The following ZNF521 variants were observed in gnomAD, a reference collection of about 807,000 sequenced individuals.
ZNF521 encodes zinc finger protein 521.
Under a neutral mutation model 105.5 loss-of-function variants are expected in ZNF521, and 14 were observed. That is an observed-to-expected ratio of 0.13 (90% confidence interval 0.09 to 0.21). The LOEUF is 0.21. ZNF521 is among the 10% of genes least tolerant of loss of function. The pLI, the probability that ZNF521 is intolerant of heterozygous loss-of-function variation, is 1.00. For synonymous variants in ZNF521, 635 were observed against 606.0 expected (o/e 1.05, Z -0.70); for missense variants, 1,233 against 1,629.7 (o/e 0.76, Z 4.19).
At chr18:25,229,848 T>C (rs994777446) in intron 3 of ZNF521, among the ~76,000 whole-genome samples, 1 of 152,232 alleles carries the variant, frequency 6.6e-6, no homozygotes, top group Non-Finnish European at 1.5e-5. Context: ...TAGAAGGATG[T>C]AACTATTGAG....
At chr18:25,292,969 C>T (rs1357365592) in intron 3 of ZNF521, among the ~76,000 whole-genome samples, 1 of 152,158 alleles carries the variant, frequency 6.6e-6, no homozygotes, top group Non-Finnish European at 1.5e-5. Context: ...CCAGAGATCC[C>T]CAAAGCACAG....
At chr18:25,198,313 G>A (rs1341871874) in intron 4 of ZNF521, among the ~76,000 whole-genome samples, 1 of 151,398 alleles carries the variant, frequency 6.6e-6, no homozygotes, top group African/African-American at 2.4e-5. Context: ...CTTGTTTTCA[G>A]TTACACTCTG....
intron 3 of ZNF521, among the ~76,000 whole-genome samples, chr18:25,305,307 A>G (rs566137276): frequency 6.6e-6 from 1 of 152,320 alleles, no homozygotes; most frequent in Middle Eastern, 3.4e-3. Context: ...GCTAATTTAT[A>G]AAACGAGAAA....
chr18:25,194,919 C>A (rs2035877751), intron 5 of ZNF521, among the ~76,000 whole-genome samples: 2 of 151,456 alleles, frequency 1.3e-5, no homozygotes, highest in South Asian at 4.2e-4. Context: ...ATTTGTTAAT[C>A]ACCTGTGTTT....
rs367611177 is a variant in ZNF521, at chr18:25,087,510, GTC to G, written c.3906+1953_3906+1954del. ...TTTCAAGAACACTAGGTAGGAATCA[GTC>G]TCTAAAGAAACTCTACAGCTTTGAT... is the stretch of plus-strand genomic sequence containing the variant. On this transcript the variant is annotated intron_variant, in intron 7 of 7. Transcript: ENST00000361524. Among the ~76,000 whole-genome samples the G allele has an allele frequency of 3.5e-4, 53 of 152,284 alleles. 1 individual carries two copies. The East Asian group carries it at 9.5e-3, about 27-fold the overall frequency.
chr18:25,166,049 C>A (rs1048290502), intron 5 of ZNF521, among the ~76,000 whole-genome samples: 16 of 152,152 alleles, frequency 1.1e-4, no homozygotes, highest in Non-Finnish European at 2.4e-4. Flanking sequence ...GTCAAAAAGT[C>A]TTAAAGGTAG....
chr18:25,322,558 C>T (rs1368878241), intron 2 of ZNF521, among the ~76,000 whole-genome samples: 2 of 144,802 alleles, frequency 1.4e-5, no homozygotes, highest in Admixed American at 1.4e-4. Flanking sequence ...AAAAAACCCC[C>T]CCACTGTGCT....
chr18:25,127,797 A>G (rs1054735352), intron 5 of ZNF521, among the ~76,000 whole-genome samples: 2 of 152,036 alleles, frequency 1.3e-5, no homozygotes, highest in African/African-American at 2.4e-5. Context: ...TTAAAACAAA[A>G]AAATTAACCC....
chr18:25,342,957 T>C (rs535833996), intron 2 of ZNF521, among the ~76,000 whole-genome samples: 1 of 152,360 alleles, frequency 6.6e-6, no homozygotes, highest in Admixed American at 6.5e-5. Flanking sequence ...TGGAAATTGT[T>C]TCTTGAAGTC....
Position 25,203,953 on chromosome 18 carries a change from CAGTG to C in ZNF521, c.3574-8713_3574-8710del, listed in dbSNP as rs1185149543. Among the ~76,000 whole-genome samples, 10 of 152,228 alleles carry C rather than the reference CAGTG, an allele frequency of 6.6e-5. No homozygotes were observed. The South Asian group carries it at 8.3e-4, about 13-fold the overall frequency. ...TCAAAGCTTGGTTCTGTCTCTGCGA[CAGTG>C]AGTGAGTTCTCACGAGATGCGGTCA... On this transcript the variant is annotated intron_variant, in intron 4 of 7. Transcript: ENST00000361524.
intron 2 of ZNF521, among the ~76,000 whole-genome samples, chr18:25,342,642 AT>A (rs1655843866): frequency 6.6e-6 from 1 of 151,398 alleles, no homozygotes; most frequent in South Asian, 2.1e-4. Context: ...GTTAGCCAGG[AT>A]GGTCTCGATC....
At chr18:25,089,934 A>G (rs2033708004) in intron 6 of ZNF521, among the ~76,000 whole-genome samples, 1 of 152,230 alleles carries the variant, frequency 6.6e-6, no homozygotes, top group Non-Finnish European at 1.5e-5. Flanking sequence ...GAAATCATAG[A>G]TGCCAAAACC....
intron 3 of ZNF521, among the ~76,000 whole-genome samples, chr18:25,253,559 A>G (rs767760071): frequency 6.6e-6 from 1 of 152,104 alleles, no homozygotes; most frequent in South Asian, 2.1e-4. Context: ...TGGTGTATAT[A>G]TTTGGGATTT....
intron 3 of ZNF521, among the ~76,000 whole-genome samples, chr18:25,230,703 T>C (rs1040708292): frequency 1.3e-5 from 2 of 152,180 alleles, no homozygotes; most frequent in African/African-American, 4.8e-5. Context: ...TGATGGCAAG[T>C]TTTCTGCATT....
intron 7 of ZNF521, among the ~76,000 whole-genome samples, chr18:25,071,779 C>T (rs2033230830): frequency 6.6e-6 from 1 of 152,182 alleles, no homozygotes; most frequent in African/African-American, 2.4e-5. Flanking sequence ...CACTCATTGC[C>T]ATAGCCCAGA....
At chr18:25,289,398 T>C (rs1170638198) in intron 3 of ZNF521, among the ~76,000 whole-genome samples, 1 of 152,194 alleles carries the variant, frequency 6.6e-6, no homozygotes, top group Non-Finnish European at 1.5e-5. Flanking sequence ...CCCTCAGTGA[T>C]TATGCGAACA....
rs562469058 is a variant in ZNF521 at position 25,168,920 on chromosome 18, ACTGGGTCCTACAATGACTGGTTT to A, written c.3658+26217_3658+26239del. Among the ~76,000 whole-genome samples, 7 of 151,454 alleles carry A rather than the reference ACTGGGTCCTACAATGACTGGTTT, an allele frequency of 4.6e-5. No homozygotes were observed. The South Asian group carries it at 1.5e-3, about 32-fold the overall frequency. ...GGAGACTCAGTACACAAACTGTATCACTGGGTCCTACAATGACTGGTTTCTGTGTCTGGGGTGTGTGTGTGTGT... is the reference window on the plus strand; with the variant it reads ...GGAGACTCAGTACACAAACTGTATCACTGTGTCTGGGGTGTGTGTGTGTGT... On this transcript the variant is annotated intron_variant, in intron 5 of 7. Transcript: ENST00000361524.
At chr18:25,238,117 G>A (rs572890156) in intron 3 of ZNF521, among the ~76,000 whole-genome samples, 2 of 152,232 alleles carry the variant, frequency 1.3e-5, no homozygotes, top group South Asian at 2.1e-4. Flanking sequence ...TTGGCTCTAC[G>A]TATTAGAAAA....
chr18:25,195,921 A>G (rs907260287), intron 4 of ZNF521, among the ~76,000 whole-genome samples: 15 of 151,796 alleles, frequency 9.9e-5, no homozygotes, highest in African/African-American at 3.6e-4. Flanking sequence ...AAATGAAGAA[A>G]CTGAGGTCCA....
Sources: allele counts gnomAD v4.1 joint callset (sites outside exome capture counted in the v4.1 genomes callset), GRCh38; gene constraint gnomAD v4.1.1; transcripts MANE v1.5; gene names NCBI Gene and HGNC (gene_info 2026-07-23, HGNC 2026-07-21).